KANTR: variants seen among roughly 807,000 people sequenced by gnomAD.
KANTR encodes KDM5C adjacent transcript.
chrX:53,098,690 G>A (rs1228666495), intron 1 of KANTR, among the ~76,000 whole-genome samples: 2 of 111,294 alleles, frequency 1.8e-5, no homozygotes, highest in African/African-American at 3.3e-5. Flanking sequence ...TCACTATTTT[G>A]CTCATCCATA....
downstream of KANTR, among the ~76,000 whole-genome samples, chrX:53,145,148 C>T (rs1569242695): frequency 1.8e-5 from 2 of 111,248 alleles, no homozygotes; most frequent in African/African-American, 3.3e-5. Context: ...GAGTGTCTGA[C>T]AGTGGGTGCA....
chrX:53,143,068 T>C, downstream of KANTR: 1 of 1,203,609 alleles, frequency 8.3e-7, no homozygotes, highest in Non-Finnish European at 1.1e-6. Context: ...CACGTCACAC[T>C]TCATGATGGA....
intron 1 of KANTR, 82 bp downstream of exon 1, chrX:53,094,366 G>A (rs1384886507): frequency 1.8e-5 from 2 of 112,153 alleles, no homozygotes; most frequent in Non-Finnish European, 3.8e-5. Flanking sequence ...TGGGGCCTGC[G>A]CGAGCTTTTA....
At chrX:53,100,608 G>A (rs1211401429) in intron 2 of KANTR, among the ~76,000 whole-genome samples, 2 of 111,421 alleles carry the variant, frequency 1.8e-5, no homozygotes, top group Non-Finnish European at 3.8e-5. Context: ...GACCAGTCTG[G>A]CCAACATAGT....
intron 2 of KANTR, among the ~76,000 whole-genome samples, chrX:53,138,269 C>T (rs1347820679): frequency 1.9e-5 from 2 of 107,745 alleles, no homozygotes; most frequent in Non-Finnish European, 3.9e-5. Flanking sequence ...GGTTTCTCCA[C>T]GTTGGTCAGG....
chrX:53,132,868 G>A, intron 2 of KANTR, among the ~76,000 whole-genome samples: 1 of 111,884 alleles, frequency 8.9e-6, no homozygotes. Flanking sequence ...GCAACACGAT[G>A]ATCTTCAACA....
intron 2 of KANTR, among the ~76,000 whole-genome samples, chrX:53,109,839 C>T (rs112148178): frequency 0.014 from 1,574 of 108,734 alleles, 31 homozygotes; most frequent in African/African-American, 0.05. Context: ...ACTGCACCCC[C>T]GTCTCCTGGG....
chrX:53,106,760 G>A (rs979501081), intron 2 of KANTR, among the ~76,000 whole-genome samples: 3 of 110,045 alleles, frequency 2.7e-5, no homozygotes, highest in Non-Finnish European at 5.6e-5. Context: ...TTCTGACATG[G>A]ATATCTAGTT....
At chrX:53,138,953 G>C (rs1453947928) in intron 2 of KANTR, among the ~76,000 whole-genome samples, 1 of 110,570 alleles carries the variant, frequency 9.0e-6, no homozygotes, top group South Asian at 3.9e-4. Flanking sequence ...GTGTCTCAAC[G>C]CCTGTAATCT....
At chrX:53,135,033 C>G (rs1457407009) in intron 2 of KANTR, among the ~76,000 whole-genome samples, 1 of 111,899 alleles carries the variant, frequency 8.9e-6, no homozygotes, top group Non-Finnish European at 1.9e-5. Flanking sequence ...AAAAGTTGGT[C>G]ATTTCTCCAA....
At chrX:53,139,420 A>G (rs782049701) in intron 2 of KANTR, among the ~76,000 whole-genome samples, 7 of 112,017 alleles carry the variant, frequency 6.2e-5, no homozygotes, top group African/African-American at 1.9e-4. Context: ...GAAAGACACT[A>G]TGGACAAAAG....
intron 2 of KANTR, among the ~76,000 whole-genome samples, chrX:53,107,780 A>C (rs1270330753): frequency 3.6e-5 from 4 of 110,334 alleles, no homozygotes; most frequent in Non-Finnish European, 7.5e-5. Flanking sequence ...TTCTAGAGAC[A>C]AGGTCTTGCT....
exon 3 of KANTR, chrX:53,142,595 T>C: frequency 3.2e-6 from 1 of 311,450 alleles, no homozygotes; most frequent in Non-Finnish European, 6.2e-6. Flanking sequence ...ATTATAGGCG[T>C]GAGCCACCAC....
At chrX:53,143,921 T>C (rs1372098535), downstream of KANTR, 2 of 361,748 alleles carry the variant, frequency 5.5e-6, no homozygotes, top group Non-Finnish European at 1.0e-5. Context: ...CATTGCAACC[T>C]GTGGAAGAGC....
At chrX:53,140,836 C>G (rs1465681334) in intron 2 of KANTR, among the ~76,000 whole-genome samples, 1 of 112,044 alleles carries the variant, frequency 8.9e-6, no homozygotes, top group Non-Finnish European at 1.9e-5. Flanking sequence ...TAAAGTATCT[C>G]TAACATTTGT....
chrX:53,118,257 C>G (rs1556814975), intron 2 of KANTR, among the ~76,000 whole-genome samples: 4 of 112,129 alleles, frequency 3.6e-5, no homozygotes, highest in Non-Finnish European at 7.5e-5. Context: ...ATTTACACTA[C>G]TTTCAGAAAT....
At chrX:53,108,596 G>A (rs1602116797) in intron 2 of KANTR, among the ~76,000 whole-genome samples, 1 of 111,728 alleles carries the variant, frequency 9.0e-6, no homozygotes, top group African/African-American at 3.2e-5. Context: ...TGCTGAACTT[G>A]TTTATTAGTT....
intron 1 of KANTR, among the ~76,000 whole-genome samples, chrX:53,096,930 A>G (rs1226114404): frequency 9.1e-6 from 1 of 110,476 alleles, no homozygotes; most frequent in East Asian, 2.8e-4. Context: ...GGAGTTCAAG[A>G]CCAGCCTGGC....
At chrX:53,134,837 C>T (rs1317849987) in intron 2 of KANTR, among the ~76,000 whole-genome samples, 3 of 111,497 alleles carry the variant, frequency 2.7e-5, no homozygotes, top group Admixed American at 1.9e-4. Flanking sequence ...CTTCCTCCAC[C>T]TGCACCTGAG....
Sources: gnomAD v4.1 joint callset for allele counts (sites outside exome capture counted in the v4.1 genomes callset) on GRCh38, gnomAD v4.1.1 for gene constraint, MANE v1.5 for transcripts, NCBI Gene and HGNC (gene_info 2026-07-23, HGNC 2026-07-21) for gene names.